MACROD2: variants seen among roughly 807,000 people sequenced by gnomAD.
MACROD2 encodes ADP-ribose glycohydrolase MACROD2.
A neutral mutation model predicts 70.4 loss-of-function variants in MACROD2; 36 were observed. The ratio of observed to expected loss-of-function variants is 0.51; its 90% CI spans 0.39 to 0.68. MACROD2 has a LOEUF of 0.68. Among genes scored for constraint, MACROD2 ranks in the 30% least tolerant of loss-of-function variants. The pLI is 0.00. For missense variants in MACROD2, 496 were observed against 538.4 expected (o/e 0.92, Z 0.78); for synonymous variants, 172 against 178.8 (o/e 0.96, Z 0.30).
chr20:15,565,779 G>A (rs544096960), intron 8 of MACROD2, among the ~76,000 whole-genome samples: 28 of 152,112 alleles, frequency 1.8e-4, no homozygotes, highest in Non-Finnish European at 1.6e-4. Context: ...TTACAGACGC[G>A]GTCTGGCTGT....
chr20:15,201,423 G>T (rs1390715692), intron 5 of MACROD2, among the ~76,000 whole-genome samples: 1 of 152,182 alleles, frequency 6.6e-6, no homozygotes, highest in African/African-American at 2.4e-5. Flanking sequence ...ATGCCATATG[G>T]ATAAACATTT....
intron 8 of MACROD2, among the ~76,000 whole-genome samples, chr20:15,669,314 A>G (rs1292207162): frequency 6.6e-6 from 1 of 152,268 alleles, no homozygotes; most frequent in Non-Finnish European, 1.5e-5. Flanking sequence ...ATTATTGCAC[A>G]CATGAAATGT....
At chr20:14,928,762 C>T (rs1302208054) in intron 5 of MACROD2, among the ~76,000 whole-genome samples, 1 of 152,142 alleles carries the variant, frequency 6.6e-6, no homozygotes, top group Non-Finnish European at 1.5e-5. Flanking sequence ...GGGTTACATT[C>T]CCAACCCACA....
chr20:14,397,998 G>T (rs914733944), intron 3 of MACROD2, among the ~76,000 whole-genome samples: 3 of 152,016 alleles, frequency 2.0e-5, no homozygotes, highest in Non-Finnish European at 4.4e-5. Flanking sequence ...ACCTTTCTGT[G>T]CCTGAGTTAT....
At chr20:15,199,166 G>A (rs768269138) in intron 5 of MACROD2, among the ~76,000 whole-genome samples, 2 of 151,758 alleles carry the variant, frequency 1.3e-5, no homozygotes, top group East Asian at 1.9e-4. Context: ...AGTCCAACCC[G>A]GCCAATATAG....
intron 4 of MACROD2, among the ~76,000 whole-genome samples, chr20:14,538,790 C>T (rs191505311): frequency 6.6e-6 from 1 of 152,326 alleles, no homozygotes; most frequent in Admixed American, 6.5e-5. Context: ...CCCTCTCTTA[C>T]TCTAGGCATC....
At chr20:15,966,261 A>G (rs1000001109) in intron 12 of MACROD2, among the ~76,000 whole-genome samples, 1 of 152,222 alleles carries the variant, frequency 6.6e-6, no homozygotes, top group Non-Finnish European at 1.5e-5. Context: ...ACACATTTGT[A>G]AGTAATCAAG....
intron 5 of MACROD2, among the ~76,000 whole-genome samples, chr20:15,115,713 A>G (rs961229737): frequency 6.6e-6 from 1 of 152,176 alleles, no homozygotes; most frequent in Non-Finnish European, 1.5e-5. Flanking sequence ...TAAAGACCAC[A>G]GTTTTTGGTT....
chr20:15,283,385 T>G (rs545000270), intron 6 of MACROD2, among the ~76,000 whole-genome samples: 1 of 152,120 alleles, frequency 6.6e-6, no homozygotes, highest in Non-Finnish European at 1.5e-5. Context: ...GAAAAATACA[T>G]ATCAAGGCCA....
chr20:14,621,257 G>A (rs1415767470), intron 4 of MACROD2, among the ~76,000 whole-genome samples: 4 of 152,082 alleles, frequency 2.6e-5, no homozygotes, highest in Non-Finnish European at 5.9e-5. Context: ...TGTGTTGTGT[G>A]TAATTCTTAT....
chr20:14,290,091 A>G (rs762761763), intron 3 of MACROD2, among the ~76,000 whole-genome samples: 3 of 152,142 alleles, frequency 2.0e-5, no homozygotes, highest in African/African-American at 4.8e-5. Flanking sequence ...AGGAAAGTGC[A>G]TCTGTTTTTG....
intron 8 of MACROD2, among the ~76,000 whole-genome samples, chr20:15,539,128 G>A (rs2047919429): frequency 6.6e-6 from 1 of 152,088 alleles, no homozygotes; most frequent in African/African-American, 2.4e-5. Flanking sequence ...TTCAGGCAAT[G>A]CTTAAGAATG....
At chr20:14,645,778 A>G (rs936207604) in intron 4 of MACROD2, among the ~76,000 whole-genome samples, 2 of 151,964 alleles carry the variant, frequency 1.3e-5, no homozygotes, top group Non-Finnish European at 2.9e-5. Flanking sequence ...ATGGATTTAA[A>G]TGGAACATGC....
At chr20:14,297,282 G>A (rs959283726) in intron 3 of MACROD2, among the ~76,000 whole-genome samples, 1 of 151,830 alleles carries the variant, frequency 6.6e-6, no homozygotes, top group African/African-American at 2.4e-5. Context: ...AGAGTCCTAT[G>A]TCTCTCACTT....
intron 8 of MACROD2, among the ~76,000 whole-genome samples, chr20:15,590,042 A>C (rs550360274): frequency 6.6e-6 from 1 of 152,256 alleles, no homozygotes; most frequent in Non-Finnish European, 1.5e-5. Context: ...GATCATGAAT[A>C]GAGAATAGAA....
At chr20:14,192,335 A>T (rs2081395843) in intron 3 of MACROD2, among the ~76,000 whole-genome samples, 1 of 152,126 alleles carries the variant, frequency 6.6e-6, no homozygotes, top group African/African-American at 2.4e-5. Flanking sequence ...ATAGGGTTAT[A>T]TAAGTAGCAG....
chr20:15,109,467 G>C (rs2075937820), intron 5 of MACROD2, among the ~76,000 whole-genome samples: 1 of 152,128 alleles, frequency 6.6e-6, no homozygotes, highest in Admixed American at 6.6e-5. Context: ...GCTTAATGTG[G>C]AAGAGGTAGG....
Position 15,967,538 on chromosome 20 carries a change from C to T in MACROD2, c.908-15C>T. ...TTAAAAATGCTGACCAAAGGTTTTGCTTGTTTGTTGTTAGATTTTGCAAAG... is the reference window on the plus strand; with the variant it reads ...TTAAAAATGCTGACCAAAGGTTTTGTTTGTTTGTTGTTAGATTTTGCAAAG... On this transcript the variant is annotated splice_polypyrimidine_tract_variant and intron_variant, in intron 12 of 17. Transcript: ENST00000684519. 1 of 1,605,658 alleles carries T rather than the reference C, an allele frequency of 6.2e-7. No homozygotes were observed. Among genetic ancestry groups the T allele is most frequent in the Non-Finnish European group, 8.5e-7 (1 of 1,176,506 alleles).
At chr20:14,069,601 G>T (rs1161585117) in intron 2 of MACROD2, among the ~76,000 whole-genome samples, 1 of 149,830 alleles carries the variant, frequency 6.7e-6, no homozygotes, top group African/African-American at 2.5e-5. Context: ...TATGAACCAA[G>T]TTTCCATCAG....
Sources: allele counts gnomAD v4.1 joint callset (sites outside exome capture counted in the v4.1 genomes callset), GRCh38; gene constraint gnomAD v4.1.1; transcripts MANE v1.5; gene names NCBI Gene and HGNC (gene_info 2026-07-23, HGNC 2026-07-21).